Variants in RGS6 observed in about 807,000 individuals in gnomAD.
The protein encoded by RGS6 is regulator of G-protein signaling 6.
RGS6 carries 30 observed loss-of-function variants against 78.5 expected under a neutral mutation model. The ratio of observed to expected loss-of-function variants is 0.38; its 90% CI spans 0.29 to 0.52. RGS6 has a LOEUF of 0.52. RGS6 is among the 20% of genes least tolerant of loss of function. The pLI is 0.85. For missense variants in RGS6, 495 were observed against 609.7 expected (o/e 0.81, Z 1.98); for synonymous variants, 206 against 206.0 (o/e 1.00, Z 0.00).
At chr14:72,434,840 T>G (rs952523834) in intron 3 of RGS6, among the ~76,000 whole-genome samples, 3 of 152,234 alleles carry the variant, frequency 2.0e-5, no homozygotes, top group African/African-American at 7.2e-5. Flanking sequence ...AACCAAGTGC[T>G]TTTTAACCAG....
chr14:71,934,439 TCTTAA>T (rs1306947555), intron 1 of RGS6, among the ~76,000 whole-genome samples: 2 of 152,240 alleles, frequency 1.3e-5, no homozygotes, highest in African/African-American at 4.8e-5. Flanking sequence ...TTCTGGCAGA[TCTTAA>T]CTTTACTTCT....
intron 2 of RGS6, among the ~76,000 whole-genome samples, chr14:72,199,799 A>C (rs1246659339): frequency 6.6e-6 from 1 of 152,220 alleles, no homozygotes; most frequent in African/African-American, 2.4e-5. Flanking sequence ...ATGTGATATA[A>C]GCCAGAGTTC....
At chr14:72,394,383 A>G (rs2090687608) in intron 3 of RGS6, among the ~76,000 whole-genome samples, 1 of 152,150 alleles carries the variant, frequency 6.6e-6, no homozygotes, top group Non-Finnish European at 1.5e-5. Context: ...AGGTGGGGCG[A>G]GATCACAGGC....
intron 2 of RGS6, among the ~76,000 whole-genome samples, chr14:72,347,485 A>G (rs911602083): frequency 6.6e-6 from 1 of 152,154 alleles, no homozygotes; most frequent in Non-Finnish European, 1.5e-5. Context: ...TTTGATGCAA[A>G]TGGTATTAAG....
At chr14:72,599,259 C>T in the RGS6 span, among the ~76,000 whole-genome samples, 21 of 152,268 alleles carry the variant, frequency 1.4e-4, no homozygotes, top group Non-Finnish European at 2.6e-4. Context: ...CAGCCCCTTG[C>T]CCCATCCCGT....
chr14:72,473,045 G>T (rs1744053688), intron 9 of RGS6, 92 bp downstream of exon 9: 4 of 821,968 alleles, frequency 4.9e-6, no homozygotes, highest in African/African-American at 3.5e-5. Context: ...GCCACCAGGT[G>T]TCTCATTCTT....
chr14:72,297,134 GT>G (rs1459271350), intron 2 of RGS6, among the ~76,000 whole-genome samples: 1 of 151,782 alleles, frequency 6.6e-6, no homozygotes, highest in Non-Finnish European at 1.5e-5. Context: ...TCATTGTTCT[GT>G]TTCTATTTTA....
chr14:72,112,270 G>T (rs759892319), intron 2 of RGS6, among the ~76,000 whole-genome samples: 1 of 152,080 alleles, frequency 6.6e-6, no homozygotes, highest in African/African-American at 2.4e-5. Flanking sequence ...TACCACTTAC[G>T]TTTGCATTTC....
At chr14:72,324,658 A>T (rs1481067208) in intron 2 of RGS6, among the ~76,000 whole-genome samples, 3 of 152,116 alleles carry the variant, frequency 2.0e-5, no homozygotes, top group Non-Finnish European at 4.4e-5. Flanking sequence ...TTCCAGCTTC[A>T]TCCATGTCCC....
At chr14:72,330,798 G>T (rs544872841) in intron 2 of RGS6, among the ~76,000 whole-genome samples, 1 of 152,034 alleles carries the variant, frequency 6.6e-6, no homozygotes, top group Non-Finnish European at 1.5e-5. Context: ...CTGGGATGAG[G>T]GTTCCATCCC....
the RGS6 span, among the ~76,000 whole-genome samples, chr14:72,585,480 G>A: frequency 6.6e-6 from 1 of 152,210 alleles, no homozygotes; most frequent in African/African-American, 2.4e-5. Context: ...CTGCAACAAA[G>A]TCTCAACCAA....
At chr14:72,272,853 G>T (rs941372934) in intron 2 of RGS6, among the ~76,000 whole-genome samples, 1 of 152,204 alleles carries the variant, frequency 6.6e-6, no homozygotes, top group African/African-American at 2.4e-5. Context: ...AATGGCTCAC[G>T]CCTGTAATCC....
the RGS6 span, among the ~76,000 whole-genome samples, chr14:72,589,190 A>C: frequency 2.7e-5 from 4 of 150,582 alleles, no homozygotes; most frequent in Non-Finnish European, 4.4e-5. Flanking sequence ...TAAAATAAAG[A>C]TATCCAGAGC....
chr14:72,293,545 T>C (rs963918839), intron 2 of RGS6, among the ~76,000 whole-genome samples: 1 of 151,952 alleles, frequency 6.6e-6, no homozygotes, highest in South Asian at 2.1e-4. Context: ...TTCTCTTAAA[T>C]AGAAACAAAA....
rs571851774 is a variant in RGS6, at chr14:72,217,086, C to T, written c.85-135009C>T. ...CAAAGTTGTTGGTTCAGGGGGCTAG[C>T]GGTAGACCCCTTCTCCTAACAGCTC... is the stretch of plus-strand genomic sequence containing the variant. On this transcript the variant is annotated intron_variant, in intron 2 of 17. Transcript: ENST00000553525. 2.6e-5 allele frequency among the ~76,000 whole-genome samples: 4 copies of T among 152,156 alleles called. 1 individual carries two copies. Among genetic ancestry groups the T allele is most frequent in the East Asian group, 3.9e-4 (2 of 5,186 alleles).
chr14:72,189,240 A>T (rs2097291934), intron 2 of RGS6, among the ~76,000 whole-genome samples: 2 of 152,210 alleles, frequency 1.3e-5, no homozygotes, highest in African/African-American at 4.8e-5. Context: ...CAAACAAAAT[A>T]GATCTGAACA....
In RGS6 at chr14:72,454,718, C is replaced by G. The variant is rs556569847; in HGVS notation, c.235+140C>G. ...CCAAGACGTGGAATCACTCTATTTA[C>G]AAATAAAATTAATTTATTTTCTCCA... On this transcript the variant is annotated intron_variant, in intron 4 of 17. Transcript: ENST00000553525. 9.7e-6 allele frequency: 6 copies of G among 619,492 alleles called. No homozygotes were observed. The East Asian group carries it at 1.7e-4, about 18-fold the overall frequency. 38.4% of individuals were successfully genotyped at this position (619,492 alleles called of 1,614,324 possible). A position where few individuals can be genotyped will look rare whatever the true frequency, so the allele number is the denominator to read the frequency against.
intron 2 of RGS6, among the ~76,000 whole-genome samples, chr14:72,310,827 G>A (rs1034819832): frequency 1.3e-5 from 2 of 152,120 alleles, no homozygotes; most frequent in African/African-American, 4.8e-5. Flanking sequence ...ACCCTTCCAG[G>A]GACCCATGTG....
chr14:72,388,639 C>T (rs1241279716), intron 3 of RGS6, among the ~76,000 whole-genome samples: 1 of 152,168 alleles, frequency 6.6e-6, no homozygotes, highest in African/African-American at 2.4e-5. Flanking sequence ...TAGACAGCCT[C>T]ATTCCCTACC....
Sources: gnomAD v4.1 joint callset for allele counts (sites outside exome capture counted in the v4.1 genomes callset) on GRCh38, gnomAD v4.1.1 for gene constraint, MANE v1.5 for transcripts, NCBI Gene and HGNC (gene_info 2026-07-23, HGNC 2026-07-21) for gene names.